Variants in MGAT4C observed in about 807,000 individuals in gnomAD.
MGAT4C encodes the protein MGAT4 family member C.
In MGAT4C, 19 loss-of-function variants were observed where a neutral mutation model predicts 40.1. The ratio of observed to expected loss-of-function variants is 0.47; its 90% CI spans 0.33 to 0.70. The LOEUF is 0.70. Ranked by LOEUF, MGAT4C falls within the 30% of genes least tolerant of loss-of-function variation. MGAT4C has a pLI of 0.02. For synonymous variants in MGAT4C, 181 were observed against 187.1 expected, an observed-to-expected ratio of 0.97 and a Z score of 0.27; for missense variants, 491 against 563.2, an observed-to-expected ratio of 0.87 and a Z score of 1.30.
At chr12:86,131,684 A>G (rs575746373) in intron 1 of MGAT4C, among the ~76,000 whole-genome samples, 39 of 151,992 alleles carry the variant, frequency 2.6e-4, no homozygotes, top group Non-Finnish European at 5.2e-4. Flanking sequence ...TTCTTTTATG[A>G]TAATTTACTG....
intron 4 of MGAT4C, among the ~76,000 whole-genome samples, chr12:86,302,504 C>T (rs1953839645): frequency 6.6e-6 from 1 of 150,500 alleles, no homozygotes; most frequent in Non-Finnish European, 1.5e-5. Flanking sequence ...TGTGGGCGCA[C>T]TGCAACCTCT....
chr12:85,970,089 G>A lies in MGAT4C; in HGVS notation c.*9200C>T, dbSNP rs944302433. On this transcript the variant is annotated 3_prime_UTR_variant, in exon 5 of 5. Coordinates refer to ENST00000611864, the MANE Select transcript of MGAT4C (RefSeq NM_001351288.2). The stretch of plus-strand genomic sequence containing the variant: ...CCTAGATAATTTAGTCTCACTCTGT[G>A]GCCTTTACCCTTCAATAAATATGGA... 1 of 150,990 alleles carries A rather than the reference G, an allele frequency of 6.6e-6. No homozygotes were observed. The highest frequency in any genetic ancestry group is 2.1e-4 in the South Asian group (1 of 4,816). 9.4% of individuals were successfully genotyped at this position (150,990 alleles called of 1,614,324 possible). A position where few individuals can be genotyped will look rare whatever the true frequency, so the allele number is the denominator to read the frequency against.
intron 1 of MGAT4C, among the ~76,000 whole-genome samples, chr12:86,254,740 A>G (rs2136084499): frequency 6.6e-6 from 1 of 152,082 alleles, no homozygotes; most frequent in East Asian, 1.9e-4. Context: ...CAAAAAATTG[A>G]CTCTAGATGT....
intron 1 of MGAT4C, among the ~76,000 whole-genome samples, chr12:86,249,944 A>G (rs190900796): frequency 6.6e-6 from 1 of 152,224 alleles, no homozygotes; most frequent in African/African-American, 2.4e-5. Flanking sequence ...AACTTATCAC[A>G]ATGGATTGTA....
chr12:86,753,123 T>G (rs1951250075), intron 1 of MGAT4C, among the ~76,000 whole-genome samples: 1 of 152,140 alleles, frequency 6.6e-6, no homozygotes, highest in African/African-American at 2.4e-5. Context: ...CCCCAAAGTC[T>G]GGCCATAAAC....
intron 2 of MGAT4C, among the ~76,000 whole-genome samples, chr12:86,639,223 G>C (rs1963309293): frequency 6.6e-6 from 1 of 151,478 alleles, no homozygotes; most frequent in African/African-American, 2.4e-5. Context: ...TGATAATGAA[G>C]ATACATTTCA....
chr12:86,433,385 TTCTG>T (rs1454647727), intron 3 of MGAT4C, among the ~76,000 whole-genome samples: 3 of 151,900 alleles, frequency 2.0e-5, no homozygotes, highest in East Asian at 3.9e-4. Flanking sequence ...AGGATTTTCT[TTCTG>T]TCTGAGATTC....
chr12:86,356,928 T>C, intron 3 of MGAT4C, among the ~76,000 whole-genome samples: 1 of 152,132 alleles, frequency 6.6e-6, no homozygotes, highest in Admixed American at 6.5e-5. Flanking sequence ...CAGCAGAAAC[T>C]TCTGCAGACT....
chr12:86,019,349 T>C lies in MGAT4C; in HGVS notation c.-6-29797A>G, dbSNP rs1009664187. Among the ~76,000 whole-genome samples the C allele has an allele frequency of 1.6e-4, 25 of 152,112 alleles. 1 individual carries two copies. Among genetic ancestry groups the C allele is most frequent in the Admixed American group, 6.5e-4 (10 of 15,270 alleles). ...GTTTTAGTGGTGTGCCCCAGTATAA[T>C]AGATAGCAAGTATGCTGTCATACCT... is the stretch of plus-strand genomic sequence containing the variant. On this transcript the variant is annotated intron_variant, in intron 2 of 4. Transcript: ENST00000611864.
At chr12:86,273,381 A>C (rs975105298) in intron 4 of MGAT4C, among the ~76,000 whole-genome samples, 26 of 152,202 alleles carry the variant, frequency 1.7e-4, no homozygotes, top group African/African-American at 4.8e-4. Context: ...CATAAGAAAA[A>C]TATAGACATA....
At chr12:86,639,847 A>T (rs925912747) in intron 2 of MGAT4C, among the ~76,000 whole-genome samples, 12 of 151,762 alleles carry the variant, frequency 7.9e-5, no homozygotes, top group Admixed American at 7.2e-4. Flanking sequence ...CAGAAAATTT[A>T]GCAACATCAA....
chr12:85,996,979 C>T (rs983515067), intron 2 of MGAT4C, among the ~76,000 whole-genome samples: 8 of 152,088 alleles, frequency 5.3e-5, no homozygotes, highest in Admixed American at 1.3e-4. Context: ...AAACACTCCA[C>T]CCAACAATAG....
At chr12:86,684,274 A>G (rs557235997) in intron 2 of MGAT4C, among the ~76,000 whole-genome samples, 4 of 152,254 alleles carry the variant, frequency 2.6e-5, no homozygotes, top group East Asian at 1.9e-4. Context: ...GAGTGAAAAC[A>G]TGTGGTGTTT....
chr12:86,400,407 C>T (rs1431901989), intron 3 of MGAT4C, among the ~76,000 whole-genome samples: 1 of 152,122 alleles, frequency 6.6e-6, no homozygotes, highest in Non-Finnish European at 1.5e-5. Flanking sequence ...AAAGCTTTGA[C>T]TAATTTTGAT....
At chr12:85,995,907 T>C (rs754425556) in intron 2 of MGAT4C, among the ~76,000 whole-genome samples, 18 of 152,138 alleles carry the variant, frequency 1.2e-4, no homozygotes, top group African/African-American at 4.1e-4. Flanking sequence ...CTCAGAAGCA[T>C]ATTACCTTAG....
chr12:86,806,785 T>C (rs1335119789), intron 1 of MGAT4C, among the ~76,000 whole-genome samples: 1 of 151,738 alleles, frequency 6.6e-6, no homozygotes, highest in East Asian at 1.9e-4. Context: ...ATGTTCTCAC[T>C]CATAGGTGGG....
chr12:86,134,375 C>T (rs1197788492), intron 1 of MGAT4C, among the ~76,000 whole-genome samples: 1 of 152,038 alleles, frequency 6.6e-6, no homozygotes, highest in East Asian at 1.9e-4. Context: ...GTTCTTGTTT[C>T]TTGCAGAATC....
At chr12:86,709,101 G>T (rs961738626) in intron 2 of MGAT4C, among the ~76,000 whole-genome samples, 1 of 152,076 alleles carries the variant, frequency 6.6e-6, no homozygotes, top group African/African-American at 2.4e-5. Flanking sequence ...AATTTTGAGA[G>T]GGACCCAGTG....
At chr12:86,267,998 G>A (rs950280720) in intron 4 of MGAT4C, among the ~76,000 whole-genome samples, 3 of 152,202 alleles carry the variant, frequency 2.0e-5, no homozygotes, top group Admixed American at 1.3e-4. Flanking sequence ...AACTCATAGC[G>A]ACATCCCCAG....
Sources: gnomAD v4.1 joint callset for allele counts (sites outside exome capture counted in the v4.1 genomes callset) on GRCh38, gnomAD v4.1.1 for gene constraint, MANE v1.5 for transcripts, NCBI Gene and HGNC (gene_info 2026-07-23, HGNC 2026-07-21) for gene names.